KCNJ18: variants seen among roughly 807,000 people sequenced by gnomAD.
KCNJ18 encodes the protein inward rectifier potassium channel 18.
Under a neutral mutation model 17.3 loss-of-function variants are expected in KCNJ18, and 16 were observed. The observed-to-expected ratio is 0.92, with a 90% CI of 0.62 to 1.40. The LOEUF (loss-of-function observed/expected upper bound fraction) is 1.40. Among genes scored for constraint, KCNJ18 ranks in the 40% most tolerant of loss-of-function variants. KCNJ18 has a pLI of 0.00. For synonymous variants in KCNJ18, 185 were observed against 262.6 expected (o/e 0.70, Z 2.86); for missense variants, 462 against 626.8 (o/e 0.74, Z 2.81).
At chr17:21,699,776 C>T (rs1905879982) in intron 2 of KCNJ18, among the ~76,000 whole-genome samples, 1 of 152,182 alleles carries the variant, frequency 6.6e-6, no homozygotes, top group African/African-American at 2.4e-5. Context: ...GGCAGAGATG[C>T]CAGGAGCTGT....
rs1402348419 is a variant in KCNJ18, at chr17:21,704,112, A to G, written c.*24A>G. ...GAGCCAACCTTGGCCGACATGCAGC[A>G]TCCACCCCTGGCCGGGGAGAGGCCC... On this transcript the variant is annotated 3_prime_UTR_variant, in exon 3 of 3. Coordinates refer to ENST00000567955, the MANE Select transcript of KCNJ18 (RefSeq NM_001194958.2). The G allele has an allele frequency of 6.6e-7, 1 of 1,518,316 alleles. No individual in the cohort carries two copies. 94.1% of individuals were successfully genotyped at this position (1,518,316 alleles called of 1,614,324 possible). A position where few individuals can be genotyped will look rare whatever the true frequency, so the allele number is the denominator to read the frequency against.
chr17:21,693,693 C>A (rs1192226208), intron 1 of KCNJ18, among the ~76,000 whole-genome samples: 1 of 151,974 alleles, frequency 6.6e-6, no homozygotes, highest in East Asian at 1.9e-4. Context: ...TTGGCTCACT[C>A]GGGGAAGGGG....
In KCNJ18 at chr17:21,703,275, G is replaced by A. The variant is rs1906035691; in HGVS notation, c.489G>A (p.Val163=). The change falls in exon 3 of 3, where the codon GTG becomes GTA. Residue 163 remains valine, a synonymous_variant. Coordinates refer to ENST00000567955, the MANE Select transcript of KCNJ18 (RefSeq NM_001194958.2). ...GCCTGGTGGCCGTCTTCATGGTGGT[G>A]GCCCAGTCCATCGTGGGCTGCATCA... ...EECLVAVFMV[V]AQSIVGCIID... 6.2e-7 allele frequency: 1 copy of A among 1,609,164 alleles called. No individual in the cohort carries two copies. Among genetic ancestry groups the A allele is most frequent in the Non-Finnish European group, 8.5e-7 (1 of 1,177,520 alleles).
At chr17:21,698,890 T>C (rs1397113420) in intron 2 of KCNJ18, among the ~76,000 whole-genome samples, 1 of 152,260 alleles carries the variant, frequency 6.6e-6, no homozygotes, top group African/African-American at 2.4e-5. Context: ...GCTCTCTCCC[T>C]CCTGGGTTTG....
At chr17:21,695,353 T>C (rs1389259210) in intron 1 of KCNJ18, among the ~76,000 whole-genome samples, 1 of 152,152 alleles carries the variant, frequency 6.6e-6, no homozygotes, top group African/African-American at 2.4e-5. Context: ...CACCCACCCA[T>C]GTATTCATTC....
At chr17:21,699,940 C>T (rs1188913357) in intron 2 of KCNJ18, among the ~76,000 whole-genome samples, 138 of 152,380 alleles carry the variant, frequency 9.1e-4, no homozygotes, top group Non-Finnish European at 5.0e-4. Context: ...AGCCATGACC[C>T]GCTGGAAGTC....
At chr17:21,694,624 C>T (rs1378776502) in intron 1 of KCNJ18, among the ~76,000 whole-genome samples, 53 of 151,206 alleles carry the variant, frequency 3.5e-4, no homozygotes, top group Middle Eastern at 6.8e-3. Context: ...ACCCATCCAC[C>T]CATCCATCTA....
chr17:21,695,022 CCCATCCATCCACCCATCCAT>C (rs1385678884), intron 1 of KCNJ18, among the ~76,000 whole-genome samples: 3 of 151,910 alleles, frequency 2.0e-5, no homozygotes, highest in South Asian at 2.1e-4. Flanking sequence ...CCACCCATTA[CCCATCCATCCACCCATCCAT>C]CCATCCATCC....
rs1346475722 is a variant in KCNJ18 at position 21,699,171 on chromosome 17, A to G, written c.-57+3067A>G. Among the ~76,000 whole-genome samples, 47 of 152,228 alleles carry G rather than the reference A, an allele frequency of 3.1e-4. 1 individual carries two copies. The highest frequency in any genetic ancestry group is 1.0e-4 in the Non-Finnish European group (7 of 68,046). On this transcript the variant is annotated intron_variant, in intron 2 of 2. Coordinates refer to ENST00000567955, the MANE Select transcript of KCNJ18 (RefSeq NM_001194958.2). ...CTTGCTTGCTAAGGCCTCTTCCAGCAAAACAGTTTCTCTGATTTCATGTCT... is the reference window on the plus strand; with the variant it reads ...CTTGCTTGCTAAGGCCTCTTCCAGCGAAACAGTTTCTCTGATTTCATGTCT...
At chr17:21,693,211 A>G (rs2142265609) in intron 1 of KCNJ18, among the ~76,000 whole-genome samples, 1 of 152,424 alleles carries the variant, frequency 6.6e-6, no homozygotes, top group African/African-American at 2.4e-5. Context: ...GGGCATCCGG[A>G]AGGCTGGCTC....
intron 2 of KCNJ18, among the ~76,000 whole-genome samples, chr17:21,696,456 T>A (rs1905762317): frequency 6.6e-6 from 1 of 152,152 alleles, no homozygotes. Context: ...ACCCACATGT[T>A]GATTCAATCA....
At chr17:21,696,997 G>A (rs2142267885) in intron 2 of KCNJ18, among the ~76,000 whole-genome samples, 1 of 152,284 alleles carries the variant, frequency 6.6e-6, no homozygotes, top group East Asian at 1.9e-4. Context: ...TGGGGCACTG[G>A]AGCTGACTCC....
chr17:21,700,105 C>T lies in KCNJ18; in HGVS notation c.-56-2626C>T, dbSNP rs1452837756. 2.4e-4 allele frequency among the ~76,000 whole-genome samples: 36 copies of T among 152,338 alleles called. No individual in the cohort carries two copies. In the South Asian group the frequency reaches 5.2e-3, roughly 22 times the overall value. On this transcript the variant is annotated intron_variant, in intron 2 of 2. Coordinates refer to ENST00000567955, the MANE Select transcript of KCNJ18 (RefSeq NM_001194958.2). ...GCACAGCCTCAGGGGTCCCCCCTGC[C>T]GCCAGCTCCCTACTTCCAGGCCCAG...
At chr17:21,699,490 C>T (rs1168598100) in intron 2 of KCNJ18, among the ~76,000 whole-genome samples, 2 of 152,114 alleles carry the variant, frequency 1.3e-5, no homozygotes, top group East Asian at 1.9e-4. Context: ...CTCTCTCTCT[C>T]TCACACACAC....
chr17:21,694,692 C>T (rs1230177943), intron 1 of KCNJ18, among the ~76,000 whole-genome samples: 2,099 of 151,514 alleles, frequency 0.014, 42 homozygotes, highest in African/African-American at 0.049. Context: ...ATCCATCCAC[C>T]CTTCCATCCC....
In KCNJ18 at chr17:21,700,552, G is replaced by T. The variant is rs1406313611; in HGVS notation, c.-56-2179G>T. ...CTGGGAGTGTTCCACAGCCTGGCCG[G>T]GCAGGCGGCTCCACCATCACCTGTT... On this transcript the variant is annotated intron_variant, in intron 2 of 2. Coordinates refer to ENST00000567955, the MANE Select transcript of KCNJ18 (RefSeq NM_001194958.2). Among the ~76,000 whole-genome samples, 108 of 101,090 alleles carry T rather than the reference G, an allele frequency of 1.1e-3. 6 individuals are homozygous for T. In the South Asian group the frequency reaches 0.013, roughly 12 times the overall value. 66.3% of individuals were successfully genotyped at this position (101,090 alleles called of 152,430 possible). A position where few individuals can be genotyped will look rare whatever the true frequency, so the allele number is the denominator to read the frequency against.
At chr17:21,695,165 A>G (rs1905720721) in intron 1 of KCNJ18, among the ~76,000 whole-genome samples, 1 of 151,878 alleles carries the variant, frequency 6.6e-6, no homozygotes, top group Non-Finnish European at 1.5e-5. Context: ...ACACTTATCC[A>G]TCCATCTATC....
intron 2 of KCNJ18, among the ~76,000 whole-genome samples, chr17:21,702,014 T>TACG (rs1905972527): frequency 2.6e-5 from 4 of 152,282 alleles, no homozygotes. Flanking sequence ...TGCCCCCAGC[T>TACG]ACGTTATTGT....
At chr17:21,701,529 G>T (rs1268333899) in intron 2 of KCNJ18, among the ~76,000 whole-genome samples, 3 of 152,190 alleles carry the variant, frequency 2.0e-5, no homozygotes, top group Non-Finnish European at 2.9e-5. Flanking sequence ...CATGGCATGT[G>T]GGTGTCAGGA....
Sources: allele counts gnomAD v4.1 joint callset (sites outside exome capture counted in the v4.1 genomes callset), GRCh38; gene constraint gnomAD v4.1.1; transcripts MANE v1.5; gene names NCBI Gene and HGNC (gene_info 2026-07-23, HGNC 2026-07-21).